Variants in PTPRB observed in about 807,000 individuals in gnomAD.
The protein encoded by PTPRB is receptor-type tyrosine-protein phosphatase beta.
PTPRB carries 97 observed loss-of-function variants against 238.1 expected under a neutral mutation model. The observed-to-expected ratio is 0.41, with a 90% CI of 0.35 to 0.48. The LOEUF (loss-of-function observed/expected upper bound fraction) is 0.48. Among genes scored for constraint, PTPRB ranks in the 20% least tolerant of loss-of-function variants. PTPRB has a pLI of 0.30. For missense variants in PTPRB, 2,292 were observed against 2,681.9 expected, an observed-to-expected ratio of 0.85 and a Z score of 3.21; for synonymous variants, 970 against 995.4, an observed-to-expected ratio of 0.97 and a Z score of 0.48.
In PTPRB at chr12:70,544,679, A is replaced by G; in HGVS notation, c.5388-16T>C. On this transcript the variant is annotated splice_polypyrimidine_tract_variant and intron_variant, in intron 21 of 33. Transcript: ENST00000334414. ...AATGCTGATTCTGAAAAGAAAACCG[A>G]TTTATTTAAATATAAATTAGTTGTT... 3 of 1,508,976 alleles carry G rather than the reference A, an allele frequency of 2.0e-6. No individual in the cohort carries two copies. Among genetic ancestry groups the G allele is most frequent in the Non-Finnish European group, 2.7e-6 (3 of 1,118,462 alleles). 93.5% of individuals were successfully genotyped at this position (1,508,976 alleles called of 1,614,324 possible).
chr12:70,602,533 C>T (rs11178325), intron 4 of PTPRB, among the ~76,000 whole-genome samples: 32,151 of 152,002 alleles, frequency 0.21, 3,499 homozygotes, highest in East Asian at 0.28. Context: ...GACATCTAGG[C>T]ATTAAGGCAT....
At chr12:70,557,180 G>T (rs1877814643) in intron 18 of PTPRB, among the ~76,000 whole-genome samples, 1 of 151,482 alleles carries the variant, frequency 6.6e-6, no homozygotes, top group African/African-American at 2.4e-5. Flanking sequence ...AGAAACCCAG[G>T]TACCAAAGGA....
Position 70,622,642 on chromosome 12 carries a change from G to A in PTPRB, c.456C>T (p.Gly152=), listed in dbSNP as rs757577808. The A allele has an allele frequency of 2.6e-6, 4 of 1,559,676 alleles. No homozygotes were observed. The highest frequency in any genetic ancestry group is 3.5e-6 in the Non-Finnish European group (4 of 1,147,270). Residue 152 remains glycine (G), a synonymous_variant, in exon 3 of 34, where the codon GGC becomes GGT. Transcript: ENST00000334414. ...TCCTCACCGAAACTTCTGCTCCCAG[G>A]CCAGCTGAGGTAAAGAAAAGATAGT... ...VNESLCLQKA[G]LGAEVSVRST... is the part of the protein sequence containing the mutation.
chr12:70,616,182 G>A (rs1884671635), intron 3 of PTPRB, among the ~76,000 whole-genome samples: 1 of 151,416 alleles, frequency 6.6e-6, no homozygotes, highest in African/African-American at 2.5e-5. Flanking sequence ...GGGCTCATGT[G>A]ACCCTCCTGC....
chr12:70,524,716 T>A, intron 32 of PTPRB, 125 bp from the exon 33 acceptor site: 3 of 966,982 alleles, frequency 3.1e-6, no homozygotes, highest in Non-Finnish European at 2.9e-6. Context: ...ATCGCTTCAC[T>A]AATGGTCTCT....
At chr12:70,568,182 A>G (rs1879552346) in intron 14 of PTPRB, among the ~76,000 whole-genome samples, 1 of 152,050 alleles carries the variant, frequency 6.6e-6, no homozygotes, top group Non-Finnish European at 1.5e-5. Flanking sequence ...CTAACATCTC[A>G]TAACCACTTT....
chr12:70,619,192 G>GTA (rs1555239502), intron 3 of PTPRB, among the ~76,000 whole-genome samples: 1 of 149,722 alleles, frequency 6.7e-6, no homozygotes, highest in African/African-American at 2.5e-5. Context: ...GTGTGTGTGT[G>GTA]TATACTCTTC....
Position 70,635,783 on chromosome 12 carries a change from T to C in PTPRB, c.339A>G (p.Lys113=). 6.2e-7 allele frequency: 1 copy of C among 1,613,880 alleles called. No homozygotes were observed. Among genetic ancestry groups the C allele is most frequent in the East Asian group, 2.2e-5 (1 of 44,880 alleles). ...EVENASLFLQ[K]QGSRVVVKKA... Reference sequence around the variant, plus strand: ...TCTTGACCACTACTCTGGAGCCTTGTTTCTGGAGAAAGAGAGAGGCATTTT... The same window carrying C: ...TCTTGACCACTACTCTGGAGCCTTGCTTCTGGAGAAAGAGAGAGGCATTTT... The change falls in exon 2 of 34, where the codon AAA becomes AAG. Residue 113 remains lysine, a synonymous_variant. Coordinates refer to ENST00000334414, the MANE Select transcript of PTPRB (RefSeq NM_001109754.4).
At chr12:70,527,475 C>G (rs1050477509) in intron 32 of PTPRB, among the ~76,000 whole-genome samples, 1 of 151,946 alleles carries the variant, frequency 6.6e-6, no homozygotes, top group African/African-American at 2.4e-5. Flanking sequence ...ACCTGAGGTC[C>G]TTAGTCCTAC....
chr12:70,590,330 A>G (rs183668713), intron 7 of PTPRB, 97 bp from the exon 8 acceptor site: 1 of 1,260,656 alleles, frequency 7.9e-7, no homozygotes. Context: ...GAGACACAAT[A>G]TCTGCAGTTC....
At chr12:70,588,099 A>G (rs1882113650) in intron 8 of PTPRB, among the ~76,000 whole-genome samples, 1 of 117,978 alleles carries the variant, frequency 8.5e-6, no homozygotes, top group South Asian at 2.4e-4. Flanking sequence ...CTGTCTCAAA[A>G]AAAAAAAAAA....
intron 2 of PTPRB, among the ~76,000 whole-genome samples, chr12:70,624,006 C>A (rs75247939): frequency 0.031 from 4,705 of 152,212 alleles, 99 homozygotes; most frequent in Non-Finnish European, 0.046. Flanking sequence ...TAAATATCAG[C>A]AGTTCTTCTG....
At chr12:70,549,492 A>G (rs914276369) in intron 21 of PTPRB, among the ~76,000 whole-genome samples, 1 of 152,274 alleles carries the variant, frequency 6.6e-6, no homozygotes, top group Admixed American at 6.5e-5. Flanking sequence ...CCAACAATGA[A>G]TGAAACACAT....
chr12:70,538,087 G>C, intron 28 of PTPRB, 68 bp downstream of exon 28: 1 of 1,256,692 alleles, frequency 8.0e-7, no homozygotes, highest in Non-Finnish European at 1.1e-6. Flanking sequence ...ACATGGAGGA[G>C]TGGCATCTCC....
chr12:70,594,872 A>G (rs766583178), intron 5 of PTPRB, 148 bp from the exon 6 acceptor site: 7 of 1,096,268 alleles, frequency 6.4e-6, no homozygotes, highest in Non-Finnish European at 8.9e-6. Flanking sequence ...GATTCTGGAA[A>G]TTTCACTGGA....
chr12:70,587,968 G>T (rs1417796474), intron 8 of PTPRB, among the ~76,000 whole-genome samples: 1 of 151,530 alleles, frequency 6.6e-6, no homozygotes, highest in Non-Finnish European at 1.5e-5. Context: ...GGGCGTGGTG[G>T]CTCACATCTG....
chr12:70,606,608 T>G (rs1883965249), intron 4 of PTPRB, among the ~76,000 whole-genome samples: 1 of 152,238 alleles, frequency 6.6e-6, no homozygotes, highest in Non-Finnish European at 1.5e-5. Flanking sequence ...CTTTTTTGTT[T>G]GAAGTTTGTC....
chr12:70,588,095 CAA>C (rs10558140), intron 8 of PTPRB, among the ~76,000 whole-genome samples: 197 of 104,616 alleles, frequency 1.9e-3, no homozygotes, highest in African/African-American at 5.5e-3. Context: ...GACTCTGTCT[CAA>C]AAAAAAAAAA....
chr12:70,549,866 CAG>C (rs1297779664), intron 21 of PTPRB, among the ~76,000 whole-genome samples: 3 of 152,088 alleles, frequency 2.0e-5, no homozygotes, highest in African/African-American at 7.2e-5. Flanking sequence ...AATATGTACA[CAG>C]AGATGATGAA....
Sources: gnomAD v4.1 joint callset for allele counts (sites outside exome capture counted in the v4.1 genomes callset) on GRCh38, gnomAD v4.1.1 for gene constraint, MANE v1.5 for transcripts, NCBI Gene and HGNC (gene_info 2026-07-23, HGNC 2026-07-21) for gene names.